The following SSBP4 variants were observed in gnomAD, a reference collection of about 807,000 sequenced individuals.
The protein encoded by SSBP4 is single-stranded DNA-binding protein 4.
Under a neutral mutation model 64.6 loss-of-function variants are expected in SSBP4, and 33 were observed. The observed-to-expected ratio is 0.51, with a 90% confidence interval of 0.39 to 0.68. SSBP4 has a LOEUF of 0.68. Among genes scored for constraint, SSBP4 ranks in the 30% least tolerant of loss-of-function variants. The probability of loss-of-function intolerance (pLI) is 0.00; values close to 1 mark genes in which losing one functional copy is unlikely to be tolerated. For synonymous variants in SSBP4, 243 were observed against 224.0 expected (o/e 1.08, Z -0.76); for missense variants, 583 against 566.8 (o/e 1.03, Z -0.29).
At position 18,432,884 on chromosome 19, in the gene SSBP4, G is replaced by A. The variant is rs112312949; in HGVS notation, c.841+1G>A. 6.2e-7 allele frequency: 1 copy of A among 1,614,050 alleles called. No individual in the cohort carries two copies. On this transcript the variant is annotated splice_donor_variant, in intron 13 of 17. Transcript: ENST00000270061. LOFTEE classifies it high-confidence loss of function. ...ACACCCATCATGCCTAGCCCTGGAG[G>A]TATGGCCTAGTAAGAGGTGGGGGTG...
Position 18,427,673 on chromosome 19 carries a change from G to A in SSBP4, c.133-79G>A, listed in dbSNP as rs1269800362. The A allele has an allele frequency of 2.4e-5, 36 of 1,489,442 alleles. No individual in the cohort carries two copies. The highest frequency in any genetic ancestry group is 2.6e-5 in the Non-Finnish European group (29 of 1,105,288). The allele number at this position is 1,489,442 out of a possible 1,614,324, so 92.3% of individuals were successfully genotyped here. A position where few individuals can be genotyped will look rare whatever the true frequency, so the allele number is the denominator to read the frequency against. ...TCCCTCCCCACTCCCTCCCTGCCCA[G>A]ATGTTCTCTGGGCACCCTGCTGGGT... is the stretch of plus-strand genomic sequence containing the variant. On this transcript the variant is annotated intron_variant, in intron 2 of 17. Transcript: ENST00000270061. This position sits in a 1 kb window ranked among gnomAD's most constrained non-coding sequence, Gnocchi z 4.4.
rs1199589049 is a variant in SSBP4, at chr19:18,434,199, C to T, written c.1129-18C>T. 12 of 1,611,186 alleles carry T rather than the reference C, an allele frequency of 7.4e-6. No homozygotes were observed. Among genetic ancestry groups the T allele is most frequent in the Non-Finnish European group, 7.6e-6 (9 of 1,179,306 alleles). On this transcript the variant is annotated intron_variant, in intron 17 of 17. Coordinates refer to ENST00000270061, the MANE Select transcript of SSBP4 (RefSeq NM_032627.5). ...GCTGAACTCGGCCCCTGCGCGCTGC[C>T]CCCTCCTCTCTCCGCAGTACTCGCC...
chr19:18,420,766 C>T (rs1972396776), intron 1 of SSBP4, among the ~76,000 whole-genome samples: 1 of 151,778 alleles, frequency 6.6e-6, no homozygotes, highest in African/African-American at 2.4e-5. Context: ...GCAGGAGAAT[C>T]CCTTGAACCC....
At chr19:18,428,713 G>A (rs1355270156) in intron 4 of SSBP4, among the ~76,000 whole-genome samples, 1 of 152,114 alleles carries the variant, frequency 6.6e-6, no homozygotes, top group Non-Finnish European at 1.5e-5. Context: ...GCGCCAGAGC[G>A]CAGGCCCCAG....
Position 18,419,463 on chromosome 19 carries a change from G to C in SSBP4, c.-186G>C, listed in dbSNP as rs1972267576. 7 of 1,070,870 alleles carry C rather than the reference G, an allele frequency of 6.5e-6. No homozygotes were observed. Among genetic ancestry groups the C allele is most frequent in the Middle Eastern group, 4.2e-4 (1 of 2,388 alleles). 66.3% of individuals were successfully genotyped at this position (1,070,870 alleles called of 1,614,324 possible). A position where few individuals can be genotyped will look rare whatever the true frequency, so the allele number is the denominator to read the frequency against. ...AAGCCACCCTGCGGCCGGGGCCGGA[G>C]CTGGAGCCGCCGCTGCCGCCGCCGC... On this transcript the variant is annotated 5_prime_UTR_variant, in exon 1 of 18. Coordinates refer to ENST00000270061, the MANE Select transcript of SSBP4 (RefSeq NM_032627.5).
intron 4 of SSBP4, 145 bp from the exon 5 acceptor site, chr19:18,430,696 A>C (rs1373276958): frequency 6.2e-6 from 4 of 646,308 alleles, no homozygotes; most frequent in Non-Finnish European, 1.0e-5. Flanking sequence ...ACAGATCCTC[A>C]GGCCGACAAC....
chr19:18,429,344 C>T (rs1028568520), intron 4 of SSBP4, among the ~76,000 whole-genome samples: 2 of 151,760 alleles, frequency 1.3e-5, no homozygotes, highest in African/African-American at 4.8e-5. Context: ...CAACGCGGGC[C>T]GGGCCGGCTC....
At chr19:18,425,065 G>A (rs907510670) in intron 1 of SSBP4, among the ~76,000 whole-genome samples, 3 of 150,848 alleles carry the variant, frequency 2.0e-5, no homozygotes, top group Non-Finnish European at 3.0e-5. Flanking sequence ...AGCCGGGGGC[G>A]GGGGCTGGAG....
At chr19:18,411,411 C>T in the SSBP4 span, among the ~76,000 whole-genome samples, 1 of 152,094 alleles carries the variant, frequency 6.6e-6, no homozygotes, top group African/African-American at 2.4e-5. Context: ...AGGAGAATTG[C>T]TTGAACCCAG....
chr19:18,427,269 G>A lies in SSBP4; in HGVS notation c.60-82G>A, dbSNP rs553404535. 93 of 1,461,602 alleles carry A rather than the reference G, an allele frequency of 6.4e-5. No individual in the cohort carries two copies. The East Asian group carries it at 6.5e-4, about 10-fold the overall frequency. 90.5% of individuals were successfully genotyped at this position (1,461,602 alleles called of 1,614,324 possible). A position where few individuals can be genotyped will look rare whatever the true frequency, so the allele number is the denominator to read the frequency against. Reference sequence around the variant, plus strand: ...TGGTGGGGAGGCCACCTTTCCACCCGCCCTCCTGAGAGATGGAGGGGCTTT... The same window carrying A: ...TGGTGGGGAGGCCACCTTTCCACCCACCCTCCTGAGAGATGGAGGGGCTTT... On this transcript the variant is annotated intron_variant, in intron 1 of 17. Coordinates refer to ENST00000270061, the MANE Select transcript of SSBP4 (RefSeq NM_032627.5). This position sits in a 1 kb window ranked among gnomAD's most constrained non-coding sequence, Gnocchi z 4.4.
Position 18,431,981 on chromosome 19 carries a change from T to C in SSBP4, c.566-19T>C. The C allele has an allele frequency of 6.5e-7, 1 of 1,550,258 alleles. No homozygotes were observed. Among genetic ancestry groups the C allele is most frequent in the South Asian group, 1.2e-5 (1 of 82,922 alleles). On this transcript the variant is annotated intron_variant, in intron 8 of 17. Coordinates refer to ENST00000270061, the MANE Select transcript of SSBP4 (RefSeq NM_032627.5). ...GGAATGGTCCAGGTCCAAGTCCCCT[T>C]CCTTCTGCCCCACCCCAGGGCATCC...
In SSBP4 at chr19:18,431,844, C is replaced by T; in HGVS notation, c.547C>T (p.Pro183Ser). Reference protein sequence around the residue: ...SQPLLPGAMEPSPRAQGHPSM... With the variant: ...SQPLLPGAMESSPRAQGHPSM... Reference sequence around the variant, plus strand: ...GCCCCTCCTCCCTGGCGCCATGGAGCCCTCCCCACGAGCCCAGGGTGAGTA... The same window carrying T: ...GCCCCTCCTCCCTGGCGCCATGGAGTCCTCCCCACGAGCCCAGGGTGAGTA... Residue 183 changes from proline (P) to serine (S), a missense_variant, in exon 8 of 18, where the codon CCC (proline) becomes TCC (serine). Physicochemically the swap from Pro to Ser is moderately conservative, Grantham distance 74 (BLOSUM62 -1). Coordinates refer to ENST00000270061, the MANE Select transcript of SSBP4 (RefSeq NM_032627.5). 1 of 1,572,270 alleles carries T rather than the reference C, an allele frequency of 6.4e-7. No individual in the cohort carries two copies. Among genetic ancestry groups the T allele is most frequent in the Non-Finnish European group, 8.6e-7 (1 of 1,158,030 alleles).
chr19:18,402,925 G>A, the SSBP4 span, among the ~76,000 whole-genome samples: 1,807 of 152,254 alleles, frequency 0.012, 36 homozygotes, highest in Admixed American at 0.035. Flanking sequence ...AAAAGAGGAA[G>A]GCCTCTTGCA....
At chr19:18,431,000 C>A in intron 5 of SSBP4, 70 bp downstream of exon 5, 1 of 1,543,314 alleles carries the variant, frequency 6.5e-7, no homozygotes, top group Non-Finnish European at 8.8e-7. Flanking sequence ...GGGGGGGGTC[C>A]CACGTGGGCA....
Position 18,433,060 on chromosome 19 carries a change from A to G in SSBP4, c.912+17A>G. 1 of 1,613,926 alleles carries G rather than the reference A, an allele frequency of 6.2e-7. No individual in the cohort carries two copies. The highest frequency in any genetic ancestry group is 8.5e-7 in the Non-Finnish European group (1 of 1,179,980). ...AGGGCTAATGTGAGTGGGGGCTTGC[A>G]GGGGTGCTTCTCGAGGCGGTGACCC... On this transcript the variant is annotated intron_variant, in intron 14 of 17. Transcript: ENST00000270061.
chr19:18,432,117 C>T, intron 9 of SSBP4, 30 bp from the exon 10 acceptor site: 1 of 1,609,744 alleles, frequency 6.2e-7, no homozygotes, highest in South Asian at 1.1e-5. Context: ...TGTCCCCGGT[C>T]TACCCCTCAC....
intron 17 of SSBP4, 41 bp downstream of exon 17, chr19:18,433,858 G>A (rs1287012745): frequency 1.7e-6 from 2 of 1,203,600 alleles, no homozygotes; most frequent in Admixed American, 8.5e-5. Flanking sequence ...GCGGCGTCGG[G>A]CCGGAGGGGC....
chr19:18,433,121 C>A lies in SSBP4; in HGVS notation c.913-14C>A, dbSNP rs566982944. The A allele has an allele frequency of 1.2e-6, 2 of 1,611,472 alleles. No individual in the cohort carries two copies. The highest frequency in any genetic ancestry group is 1.7e-6 in the Non-Finnish European group (2 of 1,179,228). The stretch of plus-strand genomic sequence containing the variant: ...ATGGGTGGCCCGAGTCCCACGCTGT[C>A]CCCATGCCCGCAGTTCCCGCTCGGC... On this transcript the variant is annotated splice_polypyrimidine_tract_variant and intron_variant, in intron 14 of 17. Coordinates refer to ENST00000270061, the MANE Select transcript of SSBP4 (RefSeq NM_032627.5).
At chr19:18,416,633 T>C (rs1201165896), upstream of SSBP4, among the ~76,000 whole-genome samples, 1 of 152,206 alleles carries the variant, frequency 6.6e-6, no homozygotes, top group Non-Finnish European at 1.5e-5. Flanking sequence ...CATCCCCCTC[T>C]TCTTCACCCT....
Sources: allele counts gnomAD v4.1 joint callset (sites outside exome capture counted in the v4.1 genomes callset), GRCh38; gene constraint gnomAD v4.1.1; non-coding constraint Gnocchi (gnomAD v3.1); transcripts MANE v1.5; gene names NCBI Gene and HGNC (gene_info 2026-07-23, HGNC 2026-07-21).